The following COL4A3 variants were observed in gnomAD, a reference collection of about 807,000 sequenced individuals.
The protein encoded by COL4A3 is collagen type IV alpha 3 chain.
Under a neutral mutation model 217.4 loss-of-function variants are expected in COL4A3, and 135 were observed. The ratio of observed to expected loss-of-function variants is 0.62; its 90% CI spans 0.54 to 0.72. The LOEUF is 0.72. Among genes scored for constraint, COL4A3 ranks in the 30% least tolerant of loss-of-function variants. The probability of loss-of-function intolerance (pLI) is 0.00; values close to 1 mark genes in which losing one functional copy is unlikely to be tolerated. For synonymous variants in COL4A3, 690 were observed against 736.3 expected, an observed-to-expected ratio of 0.94 and a Z score of 1.02; for missense variants, 1,868 against 2,119.9, an observed-to-expected ratio of 0.88 and a Z score of 2.33.
intron 16 of COL4A3, 35 bp from the exon 17 acceptor site, chr2:227,256,308 T>A (rs772658527): frequency 6.2e-7 from 1 of 1,605,184 alleles, no homozygotes; most frequent in Non-Finnish European, 8.5e-7. Context: ...GGCTCCTGTG[T>A]CTTCTGACCC....
intron 28 of COL4A3, among the ~76,000 whole-genome samples, chr2:227,279,266 TTG>T (rs2071790638): frequency 2.0e-5 from 3 of 151,784 alleles, no homozygotes; most frequent in South Asian, 2.1e-4. Context: ...GTTGTTTTTT[TTG>T]TTGTTGTTGT....
intron 6 of COL4A3, chr2:227,246,274 A>G (rs985944738): frequency 1.3e-5 from 7 of 546,006 alleles, no homozygotes; most frequent in South Asian, 1.0e-4. Context: ...GGCTGTGTGT[A>G]TAAATCAGAA....
intron 1 of COL4A3, among the ~76,000 whole-genome samples, chr2:227,188,060 G>A (rs1378603718): frequency 6.7e-6 from 1 of 149,940 alleles, no homozygotes; most frequent in Non-Finnish European, 1.5e-5. Flanking sequence ...AGGGCTAGAA[G>A]AACAACATCC....
chr2:227,289,878 T>C (rs753653672), intron 35 of COL4A3, 121 bp from the exon 36 acceptor site: 41 of 895,108 alleles, frequency 4.6e-5, no homozygotes, highest in Non-Finnish European at 7.2e-5. Flanking sequence ...GCTAGACAAG[T>C]GCCCAAACCA....
intron 4 of COL4A3, 40 bp from the exon 5 acceptor site, chr2:227,244,911 T>TC (rs2125906373): frequency 3.7e-6 from 3 of 809,954 alleles, no homozygotes; most frequent in Non-Finnish European, 5.1e-6. Context: ...TTTTAAAGTT[T>TC]TTTTTTTTTG....
rs751807485 is a variant in COL4A3 at position 227,284,268 on chromosome 2, A to T, written c.2804A>T (p.Glu935Val). The stretch of plus-strand genomic sequence containing the variant: ...AGAGGAACCCCAGGAGCCAAGGGGG[A>T]ACAAGGAGATAAAGGAAATCCCGGG... ...GQRGTPGAKG[E>V]QGDKGNPGPS... Residue 935 changes from glutamate to valine, a missense_variant, in exon 34 of 52, where the codon GAA becomes GTA. Glu to Val is a moderately radical substitution (Grantham distance 121, BLOSUM62 -2). Coordinates refer to ENST00000396578, the MANE Select transcript of COL4A3 (RefSeq NM_000091.5). The T allele has an allele frequency of 6.2e-7, 1 of 1,614,134 alleles. No individual in the cohort carries two copies. Among genetic ancestry groups the T allele is most frequent in the South Asian group, 1.1e-5 (1 of 91,070 alleles).
chr2:227,238,494 T>A (rs1046437803), intron 2 of COL4A3, among the ~76,000 whole-genome samples: 1 of 152,120 alleles, frequency 6.6e-6, no homozygotes, highest in African/African-American at 2.4e-5. Flanking sequence ...GAGGCAAAAC[T>A]TAGCAGAGGG....
intron 28 of COL4A3, among the ~76,000 whole-genome samples, chr2:227,279,075 A>G (rs2071771533): frequency 8.7e-6 from 1 of 115,274 alleles, no homozygotes; most frequent in African/African-American, 3.0e-5. Context: ...AAAACGTTCT[A>G]TATCTTTTTT....
In COL4A3 at chr2:227,253,602, A is replaced by G; in HGVS notation, c.729A>G (p.Thr243=). ...CAGGACCCCCGGGACCACCAGGAAC[A>G]GTTATTGTGACCCTAACTGGCCCAG... ...GLTGPPGPPG[T]VIVTLTGPDN... Residue 243 remains threonine (T), a synonymous_variant, in exon 13 of 52, where the codon ACA becomes ACG. Coordinates refer to ENST00000396578, the MANE Select transcript of COL4A3 (RefSeq NM_000091.5). The surrounding 1 kb of genome is among the most constrained non-coding windows in gnomAD (Gnocchi z 4.4). 1 of 1,614,160 alleles carries G rather than the reference A, an allele frequency of 6.2e-7. No homozygotes were observed. Among genetic ancestry groups the G allele is most frequent in the East Asian group, 2.2e-5 (1 of 44,888 alleles).
chr2:227,223,601 G>A (rs888331968), intron 1 of COL4A3, among the ~76,000 whole-genome samples: 1 of 151,648 alleles, frequency 6.6e-6, no homozygotes, highest in Admixed American at 6.6e-5. Flanking sequence ...AAAATTAGCC[G>A]GGCATGATTG....
intron 1 of COL4A3, among the ~76,000 whole-genome samples, chr2:227,197,735 A>T (rs2066536610): frequency 6.6e-6 from 1 of 152,190 alleles, no homozygotes; most frequent in South Asian, 2.1e-4. Flanking sequence ...AAATGGAAAC[A>T]AGAGGATAAG....
Position 227,282,092 on chromosome 2 carries a change from CA to C in COL4A3, c.2489-269del, listed in dbSNP as rs976600055. ...TTTGAGACCAGCCTGGCCAACATGGCAAAACCCCATCTCTATTAAAAATACA... is the reference window on the plus strand; with the variant it reads ...TTTGAGACCAGCCTGGCCAACATGGCAAACCCCATCTCTATTAAAAATACA... On this transcript the variant is annotated intron_variant, in intron 31 of 51. Transcript: ENST00000396578. The surrounding 1 kb of genome is among the most constrained non-coding windows in gnomAD (Gnocchi z 4.4). Among the ~76,000 whole-genome samples the C allele has an allele frequency of 6.6e-6, 1 of 151,896 alleles. No individual in the cohort carries two copies. The highest frequency in any genetic ancestry group is 1.5e-5 in the Non-Finnish European group (1 of 67,964).
In COL4A3 at chr2:227,261,121, T is replaced by C. The variant is rs200061201; in HGVS notation, c.1150+4T>C. ...CCCGGAGTTCCTGGAAGTCCTGGTA[T>C]GTCCATGTTTCTTGGGGTACAAATA... On this transcript the variant is annotated splice_donor_region_variant and intron_variant, in intron 20 of 51. Coordinates refer to ENST00000396578, the MANE Select transcript of COL4A3 (RefSeq NM_000091.5). 1.2e-6 allele frequency: 2 copies of C among 1,610,086 alleles called. No individual in the cohort carries two copies. Among genetic ancestry groups the C allele is most frequent in the East Asian group, 4.5e-5 (2 of 44,864 alleles).
At chr2:227,311,107 A>G (rs1326196886) in intron 51 of COL4A3, among the ~76,000 whole-genome samples, 159 bp downstream of exon 51, 1 of 152,250 alleles carries the variant, frequency 6.6e-6, no homozygotes, top group African/African-American at 2.4e-5. Context: ...TAATATTTGT[A>G]TATGAATTTA....
chr2:227,304,547 G>A (rs1311816113), intron 46 of COL4A3, among the ~76,000 whole-genome samples: 1 of 152,112 alleles, frequency 6.6e-6, no homozygotes, highest in East Asian at 1.9e-4. Flanking sequence ...AAATGATTTA[G>A]AAATCTTTTC....
chr2:227,256,924 C>G (rs74877601), intron 17 of COL4A3, among the ~76,000 whole-genome samples: 2,829 of 152,298 alleles, frequency 0.019, 102 homozygotes, highest in African/African-American at 0.064. Context: ...ATAGAGTGTA[C>G]TCACACAAAC....
intron 19 of COL4A3, among the ~76,000 whole-genome samples, chr2:227,260,438 T>G (rs1024294042): frequency 1.3e-4 from 20 of 152,180 alleles, no homozygotes; most frequent in African/African-American, 4.8e-4. Flanking sequence ...TCTGATTTCA[T>G]TGTCTGGAGG....
At chr2:227,184,370 C>T (rs2065948910) in intron 1 of COL4A3, among the ~76,000 whole-genome samples, 1 of 152,090 alleles carries the variant, frequency 6.6e-6, no homozygotes, top group African/African-American at 2.4e-5. Context: ...TGAGTGTCAG[C>T]CCTGGTAAAA....
rs2069422700 is a variant in COL4A3 at position 227,247,513 on chromosome 2, G to A, written c.442-45G>A. On this transcript the variant is annotated intron_variant, in intron 7 of 51. Coordinates refer to ENST00000396578, the MANE Select transcript of COL4A3 (RefSeq NM_000091.5). ...CAGAGCAGACCGAGTAGGAGTGTGT[G>A]CGTTTGATATTCCTCTAGTTGTTCA... 1.9e-6 allele frequency: 3 copies of A among 1,600,172 alleles called. No individual in the cohort carries two copies. The African/African-American group carries it at 4.0e-5, about 21-fold the overall frequency.
Sources: gnomAD v4.1 joint callset for allele counts (sites outside exome capture counted in the v4.1 genomes callset) on GRCh38, gnomAD v4.1.1 for gene constraint, Gnocchi (gnomAD v3.1) non-coding constraint, MANE v1.5 for transcripts, NCBI Gene and HGNC (gene_info 2026-07-23, HGNC 2026-07-21) for gene names.